TSPAN16: variants seen among roughly 807,000 people sequenced by gnomAD.
TSPAN16 encodes tetraspanin 16, also known as tetraspanin-16.
In TSPAN16, 23 loss-of-function variants were observed where a neutral mutation model predicts 25.2. The ratio of observed to expected loss-of-function variants is 0.91; its 90% confidence interval spans 0.66 to 1.29. The LOEUF is 1.29. Ranked by LOEUF, TSPAN16 falls within the 50% of genes most tolerant of loss-of-function variation. TSPAN16 has a pLI of 0.00. For synonymous variants in TSPAN16, 123 were observed against 124.4 expected, an observed-to-expected ratio of 0.99 and a Z score of 0.08; for missense variants, 272 against 299.9, an observed-to-expected ratio of 0.91 and a Z score of 0.69.
chr19:11,322,293 G>C (rs2080784454), intron 6 of TSPAN16: 1 of 151,950 alleles, frequency 6.6e-6, no homozygotes, highest in Admixed American at 6.6e-5. Context: ...AATGGAGTAG[G>C]AGAGAAAGAT....
At chr19:11,310,798 C>G (rs1256018432) in intron 5 of TSPAN16, among the ~76,000 whole-genome samples, 1 of 152,100 alleles carries the variant, frequency 6.6e-6, no homozygotes, top group African/African-American at 2.4e-5. Flanking sequence ...ACATGTCAGA[C>G]CACTGCAATG....
rs546642697 is a variant in TSPAN16 at position 11,298,769 on chromosome 19, G to A, written c.268-103G>A. 12 of 1,108,196 alleles carry A rather than the reference G, an allele frequency of 1.1e-5. No individual in the cohort carries two copies. In the East Asian group the frequency reaches 2.8e-4, roughly 26 times the overall value. The allele number at this position is 1,108,196 out of a possible 1,614,324, so 68.6% of individuals were successfully genotyped here. ...AACTGGAGAGGCCAGGGTGGCCTGG[G>A]GTGGAGGGTCGGGGGAACAGAGACA... On this transcript the variant is annotated intron_variant, in intron 2 of 6. Transcript: ENST00000590327.
At chr19:11,320,761 A>G (rs2080773944), downstream of TSPAN16, among the ~76,000 whole-genome samples, 1 of 152,064 alleles carries the variant, frequency 6.6e-6, no homozygotes, top group African/African-American at 2.4e-5. Context: ...GGGGGCAGTG[A>G]GAAAGTGAGA....
intron 4 of TSPAN16, among the ~76,000 whole-genome samples, chr19:11,303,928 C>T (rs1164980855): frequency 3.3e-5 from 5 of 151,400 alleles, no homozygotes; most frequent in Non-Finnish European, 2.9e-5. Context: ...GGATTACAGG[C>T]GTGCACTACC....
chr19:11,326,897 A>G, exon 7 of TSPAN16: 1 of 556,784 alleles, frequency 1.8e-6, no homozygotes, highest in Admixed American at 3.2e-5. Context: ...AGCGTGAGCC[A>G]CCACGCTGGG....
At chr19:11,309,759 T>C (rs1443104775) in intron 5 of TSPAN16, among the ~76,000 whole-genome samples, 1 of 152,238 alleles carries the variant, frequency 6.6e-6, no homozygotes, top group African/African-American at 2.4e-5. Context: ...TTGTCTGTTT[T>C]ATACATTGCT....
chr19:11,311,639 T>C (rs2080693256), intron 5 of TSPAN16, among the ~76,000 whole-genome samples: 1 of 152,028 alleles, frequency 6.6e-6, no homozygotes, highest in Non-Finnish European at 1.5e-5. Context: ...CCCAGACTGG[T>C]CTTGAACTCC....
intron 4 of TSPAN16, among the ~76,000 whole-genome samples, chr19:11,305,296 G>A (rs150989274): frequency 0.014 from 2,199 of 152,172 alleles, 37 homozygotes; most frequent in African/African-American, 0.049. Context: ...TTGGGAGGCT[G>A]AGGCAGGTGG....
chr19:11,325,644 T>C lies in TSPAN16; in HGVS notation c.688-1150T>C, dbSNP rs948420833. The C allele has an allele frequency of 4.3e-5, 65 of 1,498,880 alleles. No homozygotes were observed. The Admixed American group carries it at 5.5e-4, about 13-fold the overall frequency. The allele number at this position is 1,498,880 out of a possible 1,614,324, so 92.8% of individuals were successfully genotyped here. On this transcript the variant is annotated intron_variant, in intron 6 of 6. Coordinates refer to the TSPAN16 transcript ENST00000316737. ...ACCCCTGAGGGCAGAGTCTCAGCTGTGGCATCACAGAAACCTGGCTTCTAA... is the reference window on the plus strand; with the variant it reads ...ACCCCTGAGGGCAGAGTCTCAGCTGCGGCATCACAGAAACCTGGCTTCTAA...
downstream of TSPAN16, among the ~76,000 whole-genome samples, chr19:11,318,028 A>T (rs2080757744): frequency 6.6e-6 from 1 of 151,242 alleles, no homozygotes; most frequent in Admixed American, 6.6e-5. Context: ...ATCTTTTATT[A>T]TTATTATTAT....
chr19:11,325,609 C>A, intron 6 of TSPAN16: 1 of 1,490,958 alleles, frequency 6.7e-7, no homozygotes. Context: ...AAGGTGGGGA[C>A]ACTCGTAAGA....
At chr19:11,303,574 AATT>A (rs60471883) in intron 4 of TSPAN16, among the ~76,000 whole-genome samples, 4,201 of 118,382 alleles carry the variant, frequency 0.035, 107 homozygotes, top group African/African-American at 0.055. Flanking sequence ...TAAATAAATA[AATT>A]AAAAAAAAAA....
downstream of TSPAN16, among the ~76,000 whole-genome samples, chr19:11,319,256 T>A (rs941123144): frequency 6.6e-6 from 1 of 152,214 alleles, no homozygotes; most frequent in Admixed American, 6.5e-5. Context: ...CTAGAATGAC[T>A]CACGGATCTC....
At chr19:11,311,999 A>T in intron 5 of TSPAN16, 140 bp from the exon 6 acceptor site, 1 of 609,486 alleles carries the variant, frequency 1.6e-6, no homozygotes, top group South Asian at 2.0e-5. Context: ...GATGGAGGGA[A>T]GGCCCTCACG....
intron 6 of TSPAN16, among the ~76,000 whole-genome samples, chr19:11,313,240 G>A (rs1484468947): frequency 1.3e-5 from 2 of 152,128 alleles, no homozygotes; most frequent in African/African-American, 4.8e-5. Context: ...AAGGCTGGGT[G>A]TGGTAGCTCA....
At chr19:11,304,450 C>T (rs912466829) in intron 4 of TSPAN16, among the ~76,000 whole-genome samples, 2 of 151,670 alleles carry the variant, frequency 1.3e-5, no homozygotes, top group African/African-American at 2.4e-5. Context: ...TCAGGTGATT[C>T]TTGTACCTCA....
intron 4 of TSPAN16, among the ~76,000 whole-genome samples, chr19:11,302,669 A>ATATGTGTG (rs1373981570): frequency 2.4e-4 from 31 of 127,126 alleles, no homozygotes; most frequent in South Asian, 1.3e-3. Flanking sequence ...ACATATATAT[A>ATATGTGTG]TATATATATA....
chr19:11,305,618 G>C (rs895752191), intron 4 of TSPAN16, among the ~76,000 whole-genome samples: 1 of 152,140 alleles, frequency 6.6e-6, no homozygotes, highest in African/African-American at 2.4e-5. Context: ...TGTAATCCTA[G>C]CACTTTGGGA....
chr19:11,315,260 A>AATAATAAT (rs1555705601), intron 6 of TSPAN16, among the ~76,000 whole-genome samples: 2 of 130,598 alleles, frequency 1.5e-5, no homozygotes, highest in African/African-American at 6.7e-5. Flanking sequence ...TAATAATAAT[A>AATAATAAT]ATAATAATAA....
Sources: gnomAD v4.1 joint callset for allele counts (sites outside exome capture counted in the v4.1 genomes callset) on GRCh38, gnomAD v4.1.1 for gene constraint, MANE v1.5 for transcripts, NCBI Gene and HGNC (gene_info 2026-07-23, HGNC 2026-07-21) for gene names.